CAMTA1: variants seen among roughly 807,000 people sequenced by gnomAD.
CAMTA1 encodes calmodulin-binding transcription activator 1.
Under a neutral mutation model 170.9 loss-of-function variants are expected in CAMTA1, and 27 were observed. The observed-to-expected ratio is 0.16, with a 90% CI of 0.12 to 0.22. The LOEUF (loss-of-function observed/expected upper bound fraction) is 0.22. Ranked by LOEUF, CAMTA1 falls within the 10% of genes least tolerant of loss-of-function variation. The pLI is 1.00. For missense variants in CAMTA1, 1,619 were observed against 2,217.2 expected, an observed-to-expected ratio of 0.73 and a Z score of 5.42; for synonymous variants, 833 against 891.5, an observed-to-expected ratio of 0.93 and a Z score of 1.17.
At chr1:7,357,050 A>G (rs1403859873) in intron 5 of CAMTA1, among the ~76,000 whole-genome samples, 1 of 152,098 alleles carries the variant, frequency 6.6e-6, no homozygotes, top group East Asian at 1.9e-4. Context: ...GAGTCCATTC[A>G]TTCTGGCATC....
chr1:6,951,530 A>G (rs952569941), intron 3 of CAMTA1, among the ~76,000 whole-genome samples: 3 of 152,228 alleles, frequency 2.0e-5, no homozygotes, highest in African/African-American at 7.2e-5. Context: ...AATGAGGGTT[A>G]TAAGAAGCGT....
intron 3 of CAMTA1, among the ~76,000 whole-genome samples, chr1:6,851,111 CA>C (rs1660201827): frequency 6.6e-6 from 1 of 152,098 alleles, no homozygotes; most frequent in South Asian, 2.1e-4. Context: ...CCAAGAGAAA[CA>C]ACAGACTATG....
chr1:7,283,129 A>G (rs1007423608), intron 5 of CAMTA1, among the ~76,000 whole-genome samples: 1 of 152,158 alleles, frequency 6.6e-6, no homozygotes, highest in African/African-American at 2.4e-5. Flanking sequence ...TACGAAAAAA[A>G]ATCTCTAACC....
At chr1:6,923,824 T>A (rs947302326) in intron 3 of CAMTA1, among the ~76,000 whole-genome samples, 1 of 152,214 alleles carries the variant, frequency 6.6e-6, no homozygotes, top group African/African-American at 2.4e-5. Context: ...CCCATGAGAC[T>A]GCCAAGAAGG....
At chr1:6,954,162 A>T (rs534307476) in intron 3 of CAMTA1, among the ~76,000 whole-genome samples, 1 of 152,336 alleles carries the variant, frequency 6.6e-6, no homozygotes, top group African/African-American at 2.4e-5. Flanking sequence ...CAGCTGGGAA[A>T]GCTGGTCCCA....
intron 5 of CAMTA1, among the ~76,000 whole-genome samples, chr1:7,268,302 G>T (rs896502191): frequency 1.3e-5 from 2 of 152,154 alleles, no homozygotes; most frequent in Non-Finnish European, 2.9e-5. Flanking sequence ...CAGAAATCTG[G>T]ATAGAAGATG....
At chr1:7,574,001 T>C (rs1028648212) in intron 6 of CAMTA1, among the ~76,000 whole-genome samples, 2 of 139,020 alleles carry the variant, frequency 1.4e-5, no homozygotes, top group Non-Finnish European at 2.9e-5. Context: ...CTCAAACTCC[T>C]GACCTCAGGT....
chr1:6,820,774 A>G (rs142813203), intron 2 of CAMTA1, among the ~76,000 whole-genome samples: 26 of 152,334 alleles, frequency 1.7e-4, no homozygotes, highest in African/African-American at 5.8e-4. Flanking sequence ...TACACAGTAG[A>G]GTCCCACAAG....
intron 3 of CAMTA1, among the ~76,000 whole-genome samples, chr1:6,875,545 G>A (rs904481490): frequency 7.9e-5 from 12 of 152,034 alleles, no homozygotes; most frequent in African/African-American, 2.2e-4. Context: ...TTGGCCTCCC[G>A]ATGTGCTGGG....
At chr1:7,655,637 TAC>T (rs59833898) in intron 7 of CAMTA1, among the ~76,000 whole-genome samples, 105,610 of 149,020 alleles carry the variant, frequency 0.71, 37,295 homozygotes, top group East Asian at 0.91. Context: ...CACACACCTA[TAC>T]ACACACTACA....
intron 4 of CAMTA1, among the ~76,000 whole-genome samples, chr1:7,193,023 AGAG>A (rs1654840293): frequency 6.6e-6 from 1 of 152,124 alleles, no homozygotes. Flanking sequence ...ATCAAAACTT[AGAG>A]GAGACCAGCG....
At chr1:7,538,927 G>T (rs376547503) in intron 6 of CAMTA1, among the ~76,000 whole-genome samples, 1 of 152,254 alleles carries the variant, frequency 6.6e-6, no homozygotes, top group Non-Finnish European at 1.5e-5. Flanking sequence ...ATGTACCCAA[G>T]CGCTGAACTA....
intron 4 of CAMTA1, among the ~76,000 whole-genome samples, chr1:7,155,890 C>G (rs192475846): frequency 6.6e-6 from 1 of 152,294 alleles, no homozygotes; most frequent in African/African-American, 2.4e-5. Flanking sequence ...TAATGCATTT[C>G]TTCATTCATT....
chr1:6,877,298 G>C (rs969558667), intron 3 of CAMTA1, among the ~76,000 whole-genome samples: 3 of 152,324 alleles, frequency 2.0e-5, no homozygotes, highest in Admixed American at 6.5e-5. Context: ...TTGTGCCCTA[G>C]ACCCTGTCCT....
At chr1:7,392,550 C>A (rs555579766) in intron 5 of CAMTA1, among the ~76,000 whole-genome samples, 2 of 150,274 alleles carry the variant, frequency 1.3e-5, no homozygotes, top group East Asian at 4.1e-4. Context: ...CCACGGCACC[C>A]GGCCAAGACC....
intron 5 of CAMTA1, among the ~76,000 whole-genome samples, chr1:7,384,440 C>G (rs1258541920): frequency 6.6e-6 from 1 of 152,132 alleles, no homozygotes; most frequent in Non-Finnish European, 1.5e-5. Flanking sequence ...CCTGTGGGCC[C>G]TATACTGTGT....
At chr1:7,326,526 G>T (rs886096583) in intron 5 of CAMTA1, among the ~76,000 whole-genome samples, 2 of 152,198 alleles carry the variant, frequency 1.3e-5, no homozygotes, top group Non-Finnish European at 2.9e-5. Flanking sequence ...CAGTATGACT[G>T]GTATCCTTAA....
chr1:7,084,860 C>A (rs996366143), intron 3 of CAMTA1, among the ~76,000 whole-genome samples: 4 of 152,150 alleles, frequency 2.6e-5, no homozygotes, highest in African/African-American at 9.7e-5. Flanking sequence ...TATGAGATAG[C>A]TTGTGACTAC....
In CAMTA1 at chr1:7,674,313, C is replaced by A. The variant is rs546811118; in HGVS notation, c.2779+3276C>A. On this transcript the variant is annotated intron_variant, in intron 10 of 22. Coordinates refer to ENST00000303635, the MANE Select transcript of CAMTA1 (RefSeq NM_015215.4). The surrounding 1 kb of genome is among the most constrained non-coding windows in gnomAD (Gnocchi z 4.1). ...TGCTTCAGGGGCAGGAGGGAGCCCA[C>A]CAAGTTAGGGCAGTGAGCTGAGGGC... Among the ~76,000 whole-genome samples, 95 of 151,662 alleles carry A rather than the reference C, an allele frequency of 6.3e-4. No homozygotes were observed. Among genetic ancestry groups the A allele is most frequent in the African/African-American group, 2.2e-3 (90 of 41,308 alleles).
Sources: allele counts gnomAD v4.1 joint callset (sites outside exome capture counted in the v4.1 genomes callset), GRCh38; gene constraint gnomAD v4.1.1; non-coding constraint Gnocchi (gnomAD v3.1); transcripts MANE v1.5; gene names NCBI Gene and HGNC (gene_info 2026-07-23, HGNC 2026-07-21).